NELL1: variants seen among roughly 807,000 people sequenced by gnomAD.
The protein encoded by NELL1 is neural EGFL like 1, also known as protein kinase C-binding protein NELL1.
A neutral mutation model predicts 107.4 loss-of-function variants in NELL1; 76 were observed. The ratio of observed to expected loss-of-function variants is 0.71; its 90% CI spans 0.59 to 0.86. The LOEUF (loss-of-function observed/expected upper bound fraction) is 0.86, where lower values mean the gene tolerates loss of function less well. Ranked by LOEUF, NELL1 falls within the 40% of genes least tolerant of loss-of-function variation. NELL1 has a pLI of 0.00. For missense variants in NELL1, 1,024 were observed against 1,005.5 expected, an observed-to-expected ratio of 1.02 and a Z score of -0.25; for synonymous variants, 353 against 341.2, an observed-to-expected ratio of 1.03 and a Z score of -0.38.
At position 21,367,614 on chromosome 11, in the gene NELL1, A is replaced by G. The variant is rs181388223; in HGVS notation, c.1550-3239A>G. 1.6e-4 allele frequency among the ~76,000 whole-genome samples: 25 copies of G among 152,222 alleles called. No individual in the cohort carries two copies. In the East Asian group the frequency reaches 4.8e-3, roughly 29 times the overall value. ...AGCAGAGTCCTGGTGATAAATAACA[A>G]CAATCACATCCAGTTCGTGAGCACA... On this transcript the variant is annotated intron_variant, in intron 14 of 19. Transcript: ENST00000357134.
chr11:21,569,831 G>T (rs1208377510), intron 17 of NELL1, among the ~76,000 whole-genome samples: 1 of 151,786 alleles, frequency 6.6e-6, no homozygotes, highest in African/African-American at 2.4e-5. Flanking sequence ...GACCTCAACT[G>T]TAGGTCAGGA....
intron 15 of NELL1, among the ~76,000 whole-genome samples, chr11:21,400,369 CT>C (rs1322277966): frequency 2.0e-5 from 3 of 151,740 alleles, no homozygotes; most frequent in African/African-American, 4.8e-5. Flanking sequence ...TGAAATCTGC[CT>C]TTTTATAATT....
intron 2 of NELL1, among the ~76,000 whole-genome samples, chr11:20,746,819 C>T (rs1324969129): frequency 1.3e-5 from 2 of 152,088 alleles, no homozygotes; most frequent in Non-Finnish European, 2.9e-5. Flanking sequence ...TACACAGCTT[C>T]CCAGGTAGTT....
At chr11:21,532,576 C>T (rs1009392154) in intron 15 of NELL1, among the ~76,000 whole-genome samples, 1 of 152,116 alleles carries the variant, frequency 6.6e-6, no homozygotes, top group Non-Finnish European at 1.5e-5. Flanking sequence ...CTCCTGATTT[C>T]CCAAAACGCT....
At chr11:21,483,900 T>A (rs1289961446) in intron 15 of NELL1, among the ~76,000 whole-genome samples, 7 of 142,872 alleles carry the variant, frequency 4.9e-5, no homozygotes, top group South Asian at 2.2e-4. Context: ...TATATATATA[T>A]AAAATATTCC....
chr11:21,457,456 T>C (rs543932176), intron 15 of NELL1, among the ~76,000 whole-genome samples: 52 of 152,288 alleles, frequency 3.4e-4, no homozygotes, highest in Non-Finnish European at 6.9e-4. Context: ...TATTGACTGT[T>C]CATTAAGAAC....
At chr11:21,437,829 T>A (rs563441404) in intron 15 of NELL1, among the ~76,000 whole-genome samples, 1 of 152,334 alleles carries the variant, frequency 6.6e-6, no homozygotes, top group East Asian at 1.9e-4. Context: ...TATTTGGGTC[T>A]TTTTTTAAAA....
intron 12 of NELL1, among the ~76,000 whole-genome samples, chr11:21,031,769 C>T (rs1229756333): frequency 1.3e-5 from 2 of 151,762 alleles, no homozygotes; most frequent in Admixed American, 1.3e-4. Flanking sequence ...TAAAATTGGG[C>T]CGGGCATGGT....
intron 14 of NELL1, among the ~76,000 whole-genome samples, chr11:21,313,282 T>A (rs78776143): frequency 0.024 from 3,624 of 152,200 alleles, 148 homozygotes; most frequent in African/African-American, 0.084. Context: ...TGTTTCCATG[T>A]CTTTAACTTT....
intron 15 of NELL1, among the ~76,000 whole-genome samples, chr11:21,399,407 G>T (rs895971788): frequency 6.6e-6 from 1 of 151,672 alleles, no homozygotes; most frequent in Non-Finnish European, 1.5e-5. Flanking sequence ...CCAGACACAG[G>T]AACACCTTTG....
intron 2 of NELL1, among the ~76,000 whole-genome samples, chr11:20,755,559 T>TTTTTTTTTTTTTTTTTATTTA (rs1337491294): frequency 5.7e-5 from 1 of 17,668 alleles, no homozygotes; most frequent in East Asian, 1.2e-3. Flanking sequence ...TGTTTTTGTT[T>TTTTTTTTTTTTTTTTTATTTA]TTGTTTTTTT....
At chr11:20,763,560 C>A (rs1480728828) in intron 2 of NELL1, among the ~76,000 whole-genome samples, 3 of 152,152 alleles carry the variant, frequency 2.0e-5, no homozygotes, top group African/African-American at 7.2e-5. Context: ...ATCTTCTGAT[C>A]CCCAATTCTA....
At chr11:21,020,256 T>C (rs929655065) in intron 12 of NELL1, among the ~76,000 whole-genome samples, 1 of 152,124 alleles carries the variant, frequency 6.6e-6, no homozygotes, top group Non-Finnish European at 1.5e-5. Flanking sequence ...CAACACAACA[T>C]TATTGTGTGG....
intron 5 of NELL1, among the ~76,000 whole-genome samples, chr11:20,892,940 A>C (rs1010488412): frequency 6.6e-6 from 1 of 152,026 alleles, no homozygotes; most frequent in Non-Finnish European, 1.5e-5. Context: ...AAAAAAAAAA[A>C]AAAAAAACAG....
At chr11:20,895,250 C>A (rs867123445) in intron 5 of NELL1, among the ~76,000 whole-genome samples, 1 of 87,050 alleles carries the variant, frequency 1.1e-5, no homozygotes, top group South Asian at 4.7e-4. Flanking sequence ...CCAGCCTGGG[C>A]GACAGAGCGA....
At chr11:21,254,030 A>G (rs1305475533) in intron 14 of NELL1, among the ~76,000 whole-genome samples, 1 of 152,116 alleles carries the variant, frequency 6.6e-6, no homozygotes, top group African/African-American at 2.4e-5. Flanking sequence ...GCAGAGGGAC[A>G]TGTGGTGAAA....
At chr11:21,529,357 C>G (rs945050005) in intron 15 of NELL1, among the ~76,000 whole-genome samples, 4 of 152,142 alleles carry the variant, frequency 2.6e-5, no homozygotes, top group African/African-American at 9.7e-5. Flanking sequence ...AGGAAGCATG[C>G]TCCAGGCACA....
intron 13 of NELL1, among the ~76,000 whole-genome samples, chr11:21,156,354 G>A (rs1856234278): frequency 6.6e-6 from 1 of 152,200 alleles, no homozygotes; most frequent in Admixed American, 6.5e-5. Context: ...CCAGAGTAGA[G>A]AAGGTTAACA....
intron 15 of NELL1, among the ~76,000 whole-genome samples, chr11:21,498,478 A>C (rs1391524449): frequency 6.6e-6 from 1 of 150,916 alleles, no homozygotes. Flanking sequence ...ATATTGATAC[A>C]TACATAGTTC....
Sources: allele counts gnomAD v4.1 joint callset (sites outside exome capture counted in the v4.1 genomes callset), GRCh38; gene constraint gnomAD v4.1.1; transcripts MANE v1.5; gene names NCBI Gene and HGNC (gene_info 2026-07-23, HGNC 2026-07-21).